The following FRMD6 variants were observed in gnomAD, a reference collection of about 807,000 sequenced individuals.
FRMD6 encodes FERM domain containing 6, also known as FERM domain-containing protein 6.
Under a neutral mutation model 73.2 loss-of-function variants are expected in FRMD6, and 37 were observed. The ratio of observed to expected loss-of-function variants is 0.51; its 90% CI spans 0.39 to 0.66. The LOEUF is 0.66. Among genes scored for constraint, FRMD6 ranks in the 30% least tolerant of loss-of-function variants. The pLI is 0.00. For missense variants in FRMD6, 714 were observed against 780.5 expected (o/e 0.91, Z 1.02); for synonymous variants, 273 against 282.2 (o/e 0.97, Z 0.33).
At chr14:51,712,684 A>C in intron 9 of FRMD6, 133 bp downstream of exon 9, 3 of 639,750 alleles carry the variant, frequency 4.7e-6, no homozygotes, top group Non-Finnish European at 2.8e-6. Context: ...AGAAGTTGAC[A>C]CTGAAGATAA....
intron 2 of FRMD6, among the ~76,000 whole-genome samples, chr14:51,639,218 G>A (rs934470159): frequency 2.6e-5 from 4 of 151,992 alleles, no homozygotes; most frequent in African/African-American, 9.7e-5. Context: ...GGCGGATCAC[G>A]AGGTCAGGAG....
At chr14:51,558,094 CAAT>C (rs1887251960) in intron 1 of FRMD6, among the ~76,000 whole-genome samples, 2 of 152,084 alleles carry the variant, frequency 1.3e-5, no homozygotes. Flanking sequence ...CTTTTATTCT[CAAT>C]AAATTATTGA....
intron 1 of FRMD6, among the ~76,000 whole-genome samples, chr14:51,667,305 G>A (rs981174363): frequency 2.6e-5 from 4 of 152,036 alleles, no homozygotes; most frequent in Non-Finnish European, 4.4e-5. Context: ...CTAGTGGATA[G>A]CACCTTTATT....
At chr14:51,685,061 A>G (rs1197005041) in intron 1 of FRMD6, among the ~76,000 whole-genome samples, 1 of 152,192 alleles carries the variant, frequency 6.6e-6, no homozygotes, top group Non-Finnish European at 1.5e-5. Context: ...AATGGGAAGC[A>G]TGAGAGTGAG....
the FRMD6 span, among the ~76,000 whole-genome samples, chr14:51,419,097 G>T: frequency 6.6e-6 from 1 of 152,180 alleles, no homozygotes; most frequent in African/African-American, 2.4e-5. Context: ...GGCTTCCCTT[G>T]GCTAGGAAAG....
chr14:51,401,967 C>G, the FRMD6 span, among the ~76,000 whole-genome samples: 17 of 152,124 alleles, frequency 1.1e-4, no homozygotes, highest in Non-Finnish European at 1.2e-4. Flanking sequence ...ATCACAAGAG[C>G]TGGACAAACA....
At chr14:51,442,438 T>A in the FRMD6 span, among the ~76,000 whole-genome samples, 1 of 152,212 alleles carries the variant, frequency 6.6e-6, no homozygotes, top group African/African-American at 2.4e-5. Context: ...AATTGCCCAG[T>A]GATAGTGCTA....
At chr14:51,512,492 C>G (rs550605775) in intron 1 of FRMD6, among the ~76,000 whole-genome samples, 1 of 152,186 alleles carries the variant, frequency 6.6e-6, no homozygotes, top group Admixed American at 6.5e-5. Context: ...CCAGGGACAA[C>G]GTCTTGTCAT....
chr14:51,569,881 T>C (rs1337536525), intron 1 of FRMD6, among the ~76,000 whole-genome samples: 4 of 151,662 alleles, frequency 2.6e-5, no homozygotes, highest in Non-Finnish European at 5.9e-5. Context: ...AGTGGCGCGA[T>C]CTCGGCTCAC....
the FRMD6 span, among the ~76,000 whole-genome samples, chr14:51,480,468 G>A: frequency 6.6e-6 from 1 of 152,084 alleles, no homozygotes; most frequent in South Asian, 2.1e-4. Flanking sequence ...TATGCCCAGT[G>A]TGTAGAAAAT....
At chr14:51,403,085 G>A in the FRMD6 span, among the ~76,000 whole-genome samples, 4 of 152,154 alleles carry the variant, frequency 2.6e-5, no homozygotes, top group Non-Finnish European at 5.9e-5. Context: ...GTTTTGGAAA[G>A]TATATGATGC....
chr14:51,475,449 C>T, the FRMD6 span, among the ~76,000 whole-genome samples: 6 of 152,198 alleles, frequency 3.9e-5, no homozygotes, highest in African/African-American at 1.2e-4. Context: ...TGTTCAACTT[C>T]AGAGAGTGTT....
the FRMD6 span, among the ~76,000 whole-genome samples, chr14:51,425,504 C>T: frequency 6.6e-6 from 1 of 152,156 alleles, no homozygotes; most frequent in African/African-American, 2.4e-5. Flanking sequence ...CTTCTGGGCG[C>T]CCACTGGCTC....
intron 2 of FRMD6, among the ~76,000 whole-genome samples, chr14:51,646,391 T>G (rs1188127921): frequency 6.8e-6 from 1 of 147,356 alleles, no homozygotes; most frequent in Non-Finnish European, 1.5e-5. Flanking sequence ...ATGTTATCAC[T>G]AGTGTTTCAA....
chr14:51,420,745 A>G, the FRMD6 span, among the ~76,000 whole-genome samples: 1 of 152,154 alleles, frequency 6.6e-6, no homozygotes, highest in Non-Finnish European at 1.5e-5. Flanking sequence ...TGATGTGTGT[A>G]GGTTATATGC....
chr14:51,610,338 T>TAAA (rs5808625), intron 2 of FRMD6, among the ~76,000 whole-genome samples: 2 of 142,308 alleles, frequency 1.4e-5, no homozygotes, highest in African/African-American at 5.2e-5. Context: ...CCTTTTTTTT[T>TAAA]AAAAAAAAAA....
chr14:51,630,445 A>G (rs1354829343), intron 2 of FRMD6, among the ~76,000 whole-genome samples: 2 of 152,160 alleles, frequency 1.3e-5, no homozygotes, highest in African/African-American at 4.8e-5. Flanking sequence ...TGAGAATTAA[A>G]AAAACAAAGA....
chr14:51,474,261 A>G, the FRMD6 span, among the ~76,000 whole-genome samples: 1 of 152,214 alleles, frequency 6.6e-6, no homozygotes, highest in Non-Finnish European at 1.5e-5. Context: ...TAGCAAAGTG[A>G]GAATAGAGAC....
intron 1 of FRMD6, among the ~76,000 whole-genome samples, chr14:51,655,539 G>GGA (rs1594668362): frequency 6.6e-6 from 1 of 152,108 alleles, no homozygotes; most frequent in East Asian, 1.9e-4. Flanking sequence ...ATTATCCTGA[G>GGA]GAAGAGGCTT....
Sources: gnomAD v4.1 joint callset for allele counts (sites outside exome capture counted in the v4.1 genomes callset) on GRCh38, gnomAD v4.1.1 for gene constraint, MANE v1.5 for transcripts, NCBI Gene and HGNC (gene_info 2026-07-23, HGNC 2026-07-21) for gene names.